Variants in PALB2 observed in about 807,000 individuals in gnomAD.
PALB2 encodes mutant partner and localizer of BRCA2.
In PALB2, 82 loss-of-function variants were observed where a neutral mutation model predicts 107.4. The observed-to-expected ratio is 0.76, with a 90% CI of 0.64 to 0.92. The LOEUF (loss-of-function observed/expected upper bound fraction) is 0.92. Among genes scored for constraint, PALB2 ranks in the 40% least tolerant of loss-of-function variants. The pLI is 0.00. For synonymous variants in PALB2, 489 were observed against 496.8 expected, an observed-to-expected ratio of 0.98 and a Z score of 0.21; for missense variants, 1,374 against 1,379.9, an observed-to-expected ratio of 1.00 and a Z score of 0.07.
chr16:23,640,934 C>T (rs1404874222), intron 1 of PALB2, 176 bp downstream of exon 1: 8 of 688,002 alleles, frequency 1.2e-5, no homozygotes, highest in Non-Finnish European at 2.0e-5. Flanking sequence ...TAAACGCCAC[C>T]ACGTGAGCAC....
rs447529 is a variant in PALB2 at position 23,622,102 on chromosome 16, C to G, written c.2997-624G>C. Among the ~76,000 whole-genome samples the G allele has an allele frequency of 0.13, 19,566 of 152,100 alleles. 1,517 individuals carry two copies. The highest frequency in any genetic ancestry group is 0.21 in the African/African-American group (8,879 of 41,474). ...CCCTGCCCTCCATTTTTAGAAGATA[C>G]ATGAATAATAACAATGAAATGTAAT... On this transcript the variant is annotated intron_variant, in intron 9 of 12. Transcript: ENST00000261584.
chr16:23,617,267 G>T (rs1966700408), intron 10 of PALB2, among the ~76,000 whole-genome samples: 1 of 152,070 alleles, frequency 6.6e-6, no homozygotes, highest in South Asian at 2.1e-4. Flanking sequence ...GAGCCCAAAA[G>T]ATAAGTAACA....
At chr16:23,610,315 T>C (rs929953380) in intron 11 of PALB2, among the ~76,000 whole-genome samples, 5 of 151,190 alleles carry the variant, frequency 3.3e-5, no homozygotes, top group Admixed American at 6.6e-5. Context: ...ATTTCTTTTT[T>C]TTTTTTTTTT....
intron 11 of PALB2, among the ~76,000 whole-genome samples, chr16:23,609,643 G>C (rs946782256): frequency 6.6e-5 from 10 of 151,792 alleles, no homozygotes; most frequent in African/African-American, 2.2e-4. Context: ...TCAGCCTCCC[G>C]AGTAGCTGGA....
rs180177083 is a variant in PALB2, at chr16:23,637,865, G to A, written c.196C>T (p.Gln66Ter). The A allele has an allele frequency of 1.6e-5, 26 of 1,612,200 alleles. No individual in the cohort carries two copies. The highest frequency in any genetic ancestry group is 2.2e-5 in the East Asian group (1 of 44,884). Residue 66 changes from glutamine (Q) to a stop codon, truncating the protein, a stop_gained, in exon 3 of 13, where the codon CAG becomes TAG. Transcript: ENST00000261584. LOFTEE classifies it high-confidence loss of function. ...CTAGATTTACCTGAGTGTTTTAGCT[G>A]CGGTGAGAGATCCTGCTGAGACAAA... Reference protein sequence around the residue: ...DCLSQQDLSPQLKHSEPKNKI... With the variant: ...DCLSQQDLSP
In PALB2 at chr16:23,629,219, C is replaced by T. The variant is rs587780821; in HGVS notation, c.2571G>A (p.Leu857=). 8 of 1,613,318 alleles carry T rather than the reference C, an allele frequency of 5.0e-6. No individual in the cohort carries two copies. The highest frequency in any genetic ancestry group is 1.3e-5 in the African/African-American group (1 of 75,024). ...TTCTTCTGACCTTTAACTCTGAAAC[C>T]AATTGTAGGTTGCCTGGGTTTATGC... The part of the protein sequence containing the change: ...SDSINPGNLQ[L]VSELKNPSGS... The change falls in exon 6 of 13, where the codon TTG becomes TTA. Residue 857 remains leucine (L), a synonymous_variant. Coordinates refer to ENST00000261584, the MANE Select transcript of PALB2 (RefSeq NM_024675.4).
intron 6 of PALB2, among the ~76,000 whole-genome samples, chr16:23,627,199 T>C (rs1966844889): frequency 6.6e-6 from 1 of 151,958 alleles, no homozygotes; most frequent in African/African-American, 2.4e-5. Context: ...AGAAAAATCA[T>C]AATCACGGCC....
chr16:23,619,251 G>A (rs779999910), intron 10 of PALB2, among the ~76,000 whole-genome samples: 2 of 152,060 alleles, frequency 1.3e-5, no homozygotes, highest in Non-Finnish European at 2.9e-5. Flanking sequence ...CCTGTGGCTG[G>A]GTATGGTTCT....
intron 10 of PALB2, among the ~76,000 whole-genome samples, chr16:23,619,873 G>A (rs1444175250): frequency 6.6e-6 from 1 of 151,872 alleles, no homozygotes; most frequent in Non-Finnish European, 1.5e-5. Context: ...TCCGCCTCCT[G>A]GGTTCAAGCG....
rs1479181306 is a variant in PALB2, at chr16:23,611,399, G to T, written c.3201+2605C>A. 2.0e-5 allele frequency among the ~76,000 whole-genome samples: 3 copies of T among 152,154 alleles called. No homozygotes were observed. The East Asian group carries it at 5.8e-4, about 29-fold the overall frequency. ...GACCTCAGGTGATCCACCTGCCTCA[G>T]CCTCCCAAAGTGCTGGGATTACAGG... is the stretch of plus-strand genomic sequence containing the variant. On this transcript the variant is annotated intron_variant, in intron 11 of 12. Transcript: ENST00000261584.
intron 7 of PALB2, among the ~76,000 whole-genome samples, chr16:23,625,326 C>T (rs1040739312): frequency 6.6e-6 from 1 of 151,842 alleles, no homozygotes; most frequent in African/African-American, 2.4e-5. Flanking sequence ...GAGTATGACT[C>T]TCTCTCCAAA....
intron 9 of PALB2, among the ~76,000 whole-genome samples, chr16:23,622,236 T>G (rs907466800): frequency 3.3e-5 from 5 of 152,164 alleles, no homozygotes; most frequent in African/African-American, 1.2e-4. Context: ...TAAATAGGCC[T>G]GCAGGTCTAG....
At chr16:23,611,812 G>A (rs1567208827) in intron 11 of PALB2, among the ~76,000 whole-genome samples, 1 of 152,072 alleles carries the variant, frequency 6.6e-6, no homozygotes, top group Non-Finnish European at 1.5e-5. Flanking sequence ...GGAGTACAGT[G>A]GTGCCATCAT....
At chr16:23,608,115 C>T (rs1177699511) in intron 11 of PALB2, 103 bp from the exon 12 acceptor site, 8 of 1,244,940 alleles carry the variant, frequency 6.4e-6, no homozygotes, top group South Asian at 2.5e-5. Flanking sequence ...AAGCAATGAC[C>T]GATAGGCTCT....
intron 11 of PALB2, among the ~76,000 whole-genome samples, chr16:23,612,368 G>C (rs1966602692): frequency 6.6e-6 from 1 of 151,880 alleles, no homozygotes; most frequent in African/African-American, 2.4e-5. Context: ...ACAGGTGCCT[G>C]ACATGACATC....
rs552021101 is a variant in PALB2 at position 23,613,876 on chromosome 16, A to G, written c.3201+128T>C. 3 of 717,386 alleles carry G rather than the reference A, an allele frequency of 4.2e-6. No homozygotes were observed. In the African/African-American group the frequency reaches 5.3e-5, roughly 13 times the overall value. 44.4% of individuals were successfully genotyped at this position (717,386 alleles called of 1,614,324 possible). On this transcript the variant is annotated intron_variant, in intron 11 of 12. Transcript: ENST00000261584. ...CATCCTAAATTTCAAGAAAGGACAAACATTGCTATCCAATTTTGAAAAAAG... is the reference window on the plus strand; with the variant it reads ...CATCCTAAATTTCAAGAAAGGACAAGCATTGCTATCCAATTTTGAAAAAAG...
chr16:23,604,342 T>C (rs1966423261), intron 12 of PALB2, among the ~76,000 whole-genome samples: 2 of 152,134 alleles, frequency 1.3e-5, no homozygotes, highest in Non-Finnish European at 2.9e-5. Flanking sequence ...GGGCAAATTA[T>C]TTAACTTTAT....
At chr16:23,621,563 A>G in intron 9 of PALB2, 85 bp from the exon 10 acceptor site, 1 of 820,264 alleles carries the variant, frequency 1.2e-6, no homozygotes, top group South Asian at 1.4e-5. Context: ...GAACTGCATA[A>G]TATAAACTAA....
rs2142354778 is a variant in PALB2 at position 23,626,320 on chromosome 16, T to C, written c.2664A>G (p.Ile888Met). The C allele has an allele frequency of 6.2e-7, 1 of 1,614,214 alleles. No individual in the cohort carries two copies. Among genetic ancestry groups the C allele is most frequent in the South Asian group, 1.1e-5 (1 of 91,090 alleles). ...GAGAAACTACATCTTCGCAAGCAGT[T>C]ATGATACATGGCTCTTTACAACCGG... ...ERAGCKEPCI[I>M]TACEDVVSLW... The change falls in exon 7 of 13, where the codon ATA becomes ATG. Residue 888 changes from isoleucine (I) to methionine (M), a missense_variant. Physicochemically the swap from Ile to Met is conservative, Grantham distance 10 (BLOSUM62 1). Transcript: ENST00000261584.
Sources: gnomAD v4.1 joint callset for allele counts (sites outside exome capture counted in the v4.1 genomes callset) on GRCh38, gnomAD v4.1.1 for gene constraint, MANE v1.5 for transcripts, NCBI Gene and HGNC (gene_info 2026-07-23, HGNC 2026-07-21) for gene names.